Variants in DGKK observed in about 807,000 individuals in gnomAD.
DGKK encodes 142 kDa diacylglycerol kinase.
A neutral mutation model predicts 92.2 loss-of-function variants in DGKK; 35 were observed. That is an observed-to-expected ratio of 0.38 (90% CI 0.29 to 0.50). The LOEUF (loss-of-function observed/expected upper bound fraction) is 0.50, where lower values mean the gene tolerates loss of function less well. DGKK is among the 20% of genes least tolerant of loss of function. The probability of loss-of-function intolerance (pLI) is 0.92; values close to 1 mark genes in which losing one functional copy is unlikely to be tolerated. For synonymous variants in DGKK, 368 were observed against 360.6 expected (o/e 1.02, Z -0.23); for missense variants, 910 against 992.2 (o/e 0.92, Z 1.11).
intron 1 of DGKK, among the ~76,000 whole-genome samples, chrX:50,452,677 G>A (rs1414860877): frequency 8.9e-6 from 1 of 112,050 alleles, no homozygotes; most frequent in Non-Finnish European, 1.9e-5. Context: ...CCATGTATTG[G>A]TGTCACATTC....
chrX:50,392,216 T>C (rs1924716532), intron 10 of DGKK, 125 bp downstream of exon 10: 1 of 495,390 alleles, frequency 2.0e-6, no homozygotes, highest in African/African-American at 2.4e-5. Flanking sequence ...TCAGGCTGAA[T>C]ATGAAACCTG....
At chrX:50,437,084 A>T (rs1272687601) in intron 1 of DGKK, among the ~76,000 whole-genome samples, 1 of 111,365 alleles carries the variant, frequency 9.0e-6, no homozygotes, top group Non-Finnish European at 1.9e-5. Flanking sequence ...TAATAAAAAA[A>T]TTAACGTGGC....
chrX:50,373,937 G>A (rs1489668625), intron 25 of DGKK, among the ~76,000 whole-genome samples: 1 of 111,903 alleles, frequency 8.9e-6, no homozygotes, highest in African/African-American at 3.2e-5. Context: ...CTAACAAAAT[G>A]CACTATGAAG....
At chrX:50,406,991 G>A (rs781911127) in intron 4 of DGKK, among the ~76,000 whole-genome samples, 39 of 110,231 alleles carry the variant, frequency 3.5e-4, no homozygotes, top group Middle Eastern at 4.6e-3. Context: ...GCCTTGAACT[G>A]AGTGTTTCTA....
chrX:50,368,877 T>C lies in DGKK; in HGVS notation c.*63A>G. 1 of 969,922 alleles carries C rather than the reference T, an allele frequency of 1.0e-6. No homozygotes were observed. Among genetic ancestry groups the C allele is most frequent in the South Asian group, 2.1e-5 (1 of 48,092 alleles). 79.9% of individuals were successfully genotyped at this position (969,922 alleles called of 1,213,427 possible). Reference sequence around the variant, plus strand: ...TGAAATGATTTAGTCTAGCCTGTATTGAGGTTTTGAGAGTTTTTTTAGTAG... The same window carrying C: ...TGAAATGATTTAGTCTAGCCTGTATCGAGGTTTTGAGAGTTTTTTTAGTAG... On this transcript the variant is annotated 3_prime_UTR_variant, in exon 28 of 28. Coordinates refer to ENST00000611977, the MANE Select transcript of DGKK (RefSeq NM_001013742.4).
intron 12 of DGKK, among the ~76,000 whole-genome samples, chrX:50,389,810 C>T (rs1449454794): frequency 2.7e-5 from 3 of 110,528 alleles, no homozygotes; most frequent in Non-Finnish European, 3.8e-5. Flanking sequence ...GAACAATACA[C>T]GCTGTTCCAT....
chrX:50,457,325 C>A (rs1382589657), intron 1 of DGKK, among the ~76,000 whole-genome samples: 1 of 111,534 alleles, frequency 9.0e-6, no homozygotes, highest in Non-Finnish European at 1.9e-5. Context: ...CTCAAACTTC[C>A]TTGGACACCA....
chrX:50,384,312 CCTTT>C, intron 16 of DGKK, 48 bp from the exon 17 acceptor site: 1 of 899,440 alleles, frequency 1.1e-6, no homozygotes, highest in Non-Finnish European at 1.5e-6. Flanking sequence ...ACAAAAAAGC[CCTTT>C]CCCCTCACTT....
At position 50,447,409 on chromosome X, in the gene DGKK, A is replaced by T. The variant is rs79410953; in HGVS notation, c.645+22625T>A. Among the ~76,000 whole-genome samples, 8 of 12,459 alleles carry T rather than the reference A, an allele frequency of 6.4e-4. 2 individuals carry two copies. The highest frequency in any genetic ancestry group is 5.3e-3 in the East Asian group (2 of 375). The allele number at this position is 12,459 out of a possible 115,157, so 10.8% of individuals were successfully genotyped here. Reference sequence around the variant, plus strand: ...ATATATATATATTATATATATATATAATATATATATATATATATTATATAT... The same window carrying T: ...ATATATATATATTATATATATATATTATATATATATATATATATTATATAT... On this transcript the variant is annotated intron_variant, in intron 1 of 27. Transcript: ENST00000611977.
chrX:50,468,857 T>TTGTG lies in DGKK; in HGVS notation c.645+1173_645+1176dup, dbSNP rs145971796. On this transcript the variant is annotated intron_variant, in intron 1 of 27. Transcript: ENST00000611977. ...ATTGTTCGTGTGTTGTGTTATTCGT[T>TTGTG]TGTGTGTGTGTGTGTGTGTGTGTGA... Among the ~76,000 whole-genome samples, 435 of 103,273 alleles carry TTGTG rather than the reference T, an allele frequency of 4.2e-3. 4 individuals are homozygous for TTGTG. Among genetic ancestry groups the TTGTG allele is most frequent in the African/African-American group, 0.011 (308 of 28,396 alleles). The allele number at this position is 103,273 out of a possible 115,157, so 89.7% of individuals were successfully genotyped here.
intron 11 of DGKK, among the ~76,000 whole-genome samples, chrX:50,390,743 T>C (rs1237918718): frequency 8.9e-6 from 1 of 111,801 alleles, no homozygotes; most frequent in Non-Finnish European, 1.9e-5. Flanking sequence ...ACCTACTGAA[T>C]CTTTGTGGTG....
At chrX:50,457,402 A>G (rs1268414553) in intron 1 of DGKK, among the ~76,000 whole-genome samples, 2 of 111,661 alleles carry the variant, frequency 1.8e-5, no homozygotes, top group African/African-American at 6.5e-5. Context: ...GCAGCAAACA[A>G]AAGTACCGCT....
intron 1 of DGKK, among the ~76,000 whole-genome samples, chrX:50,444,715 C>G (rs1318511176): frequency 8.9e-6 from 1 of 111,817 alleles, no homozygotes; most frequent in Non-Finnish European, 1.9e-5. Context: ...TAGGTTGATT[C>G]TATGTCTTTG....
chrX:50,470,746 C>A lies in DGKK; in HGVS notation c.-68G>T. ...CCTGGAAGGCTAAAGTACCCTCGGG[C>A]GCCCCGCCCACTCCAGTCCGGCAGC... On this transcript the variant is annotated 5_prime_UTR_variant, in exon 1 of 28. Coordinates refer to ENST00000611977, the MANE Select transcript of DGKK (RefSeq NM_001013742.4). 9.4e-7 allele frequency: 1 copy of A among 1,059,128 alleles called. No homozygotes were observed. The highest frequency in any genetic ancestry group is 1.2e-6 in the Non-Finnish European group (1 of 817,390). 87.3% of individuals were successfully genotyped at this position (1,059,128 alleles called of 1,213,427 possible).
intron 1 of DGKK, among the ~76,000 whole-genome samples, chrX:50,447,342 ATT>A (rs1491292029): frequency 4.9e-4 from 7 of 14,417 alleles, no homozygotes; most frequent in African/African-American, 1.4e-3. Flanking sequence ...ATATATATAT[ATT>A]ATATATATAT....
intron 8 of DGKK, among the ~76,000 whole-genome samples, chrX:50,395,429 G>A (rs1386261520): frequency 5.4e-5 from 6 of 111,176 alleles, no homozygotes; most frequent in Non-Finnish European, 9.4e-5. Flanking sequence ...TCTGAGGTGT[G>A]CTTGGAAGCA....
chrX:50,467,720 G>A (rs1557234094), intron 1 of DGKK, among the ~76,000 whole-genome samples: 1 of 112,720 alleles, frequency 8.9e-6, no homozygotes, highest in South Asian at 3.7e-4. Flanking sequence ...CCAGCTGGTT[G>A]CAGGTGCCAT....
Position 50,456,460 on chromosome X carries a change from C to G in DGKK, c.645+13574G>C, listed in dbSNP as rs554154872. On this transcript the variant is annotated intron_variant, in intron 1 of 27. Transcript: ENST00000611977. ...CTTTTCAATTAAAGTGAAAAGCCTA[C>G]CAGAAATAGATTAAATTCTGATTAA... 2.7e-5 allele frequency among the ~76,000 whole-genome samples: 3 copies of G among 111,357 alleles called. No individual in the cohort carries two copies. In the South Asian group the frequency reaches 1.1e-3, roughly 42 times the overall value.
intron 1 of DGKK, among the ~76,000 whole-genome samples, chrX:50,454,001 A>G (rs1340120832): frequency 9.1e-6 from 1 of 110,041 alleles, no homozygotes; most frequent in African/African-American, 3.3e-5. Context: ...CTTAAAAAAA[A>G]AAAGAAAGAA....
Sources: allele counts gnomAD v4.1 joint callset (sites outside exome capture counted in the v4.1 genomes callset), GRCh38; gene constraint gnomAD v4.1.1; transcripts MANE v1.5; gene names NCBI Gene and HGNC (gene_info 2026-07-23, HGNC 2026-07-21).